DNAJC11: variants seen among roughly 807,000 people sequenced by gnomAD.
DNAJC11 encodes dnaJ homolog subfamily C member 11.
A neutral mutation model predicts 78.6 loss-of-function variants in DNAJC11; 15 were observed. The observed-to-expected ratio is 0.19, with a 90% CI of 0.13 to 0.29. The LOEUF (loss-of-function observed/expected upper bound fraction) is 0.29, where lower values mean the gene tolerates loss of function less well. DNAJC11 is among the 10% of genes least tolerant of loss of function. The pLI is 1.00. For missense variants in DNAJC11, 547 were observed against 709.6 expected (o/e 0.77, Z 2.60); for synonymous variants, 292 against 272.1 (o/e 1.07, Z -0.72).
rs964297606 is a variant in DNAJC11 at position 6,635,374 on chromosome 1, C to T, written c.*301G>A. On this transcript the variant is annotated 3_prime_UTR_variant, in exon 16 of 16. Coordinates refer to ENST00000377577, the MANE Select transcript of DNAJC11 (RefSeq NM_018198.4). ...ACAGGGCGGCGGGCTGCGGTCAGCACGTGTGCTCGGGACACAGCGGAGTCA... is the reference window on the plus strand; with the variant it reads ...ACAGGGCGGCGGGCTGCGGTCAGCATGTGTGCTCGGGACACAGCGGAGTCA... The T allele has an allele frequency of 2.4e-5, 8 of 337,814 alleles. No individual in the cohort carries two copies. Among genetic ancestry groups the T allele is most frequent in the South Asian group, 2.2e-4 (5 of 22,888 alleles). The allele number at this position is 337,814 out of a possible 1,614,324, so 20.9% of individuals were successfully genotyped here. A position where few individuals can be genotyped will look rare whatever the true frequency, so the allele number is the denominator to read the frequency against.
At chr1:6,637,691 A>G in intron 12 of DNAJC11, 187 bp from the exon 13 acceptor site, 1 of 652,482 alleles carries the variant, frequency 1.5e-6, no homozygotes, top group Admixed American at 2.6e-5. Flanking sequence ...GACCTAGGGC[A>G]GGCAGCTCTG....
At chr1:6,662,182 T>C (rs2148737988) in intron 4 of DNAJC11, among the ~76,000 whole-genome samples, 1 of 148,946 alleles carries the variant, frequency 6.7e-6, no homozygotes, top group African/African-American at 2.5e-5. Context: ...GCCCAGGCTC[T>C]TGCTACATTA....
At chr1:6,663,761 A>G in intron 4 of DNAJC11, among the ~76,000 whole-genome samples, 1 of 152,200 alleles carries the variant, frequency 6.6e-6, no homozygotes, top group South Asian at 2.1e-4. Flanking sequence ...CCAGCAGGAC[A>G]TACAGACAGG....
chr1:6,682,489 G>A (rs965374631), intron 1 of DNAJC11, among the ~76,000 whole-genome samples: 7 of 152,126 alleles, frequency 4.6e-5, no homozygotes, highest in African/African-American at 1.4e-4. Flanking sequence ...AGGGGGCAGC[G>A]GTGCTGGGGC....
intron 1 of DNAJC11, among the ~76,000 whole-genome samples, chr1:6,687,173 G>A (rs966919429): frequency 2.0e-5 from 3 of 152,144 alleles, no homozygotes; most frequent in African/African-American, 4.8e-5. Context: ...CGGAGAGAAA[G>A]GGTGTCACAT....
At chr1:6,685,532 C>T (rs905382313) in intron 1 of DNAJC11, among the ~76,000 whole-genome samples, 1 of 152,182 alleles carries the variant, frequency 6.6e-6, no homozygotes, top group African/African-American at 2.4e-5. Flanking sequence ...AAATCCACAT[C>T]TTTTTATCTT....
chr1:6,694,691 C>T lies in DNAJC11; in HGVS notation c.72+7038G>A, dbSNP rs1436860520. ...TTAAAAAAAATTTTTTTTGGCTGGG[C>T]GCGGTGGCTCACACCTATAATCGCA... On this transcript the variant is annotated intron_variant, in intron 1 of 15. Coordinates refer to ENST00000377577, the MANE Select transcript of DNAJC11 (RefSeq NM_018198.4). 3.3e-5 allele frequency among the ~76,000 whole-genome samples: 5 copies of T among 151,840 alleles called. No individual in the cohort carries two copies. The South Asian group carries it at 1.0e-3, about 32-fold the overall frequency.
chr1:6,650,441 C>T (rs1642037369), intron 7 of DNAJC11, among the ~76,000 whole-genome samples: 2 of 152,134 alleles, frequency 1.3e-5, no homozygotes, highest in Admixed American at 1.3e-4. Context: ...TGGCACACGC[C>T]TGTAGTCCTA....
chr1:6,641,405 A>ATG, intron 10 of DNAJC11, among the ~76,000 whole-genome samples: 1 of 144,562 alleles, frequency 6.9e-6, no homozygotes, highest in African/African-American at 2.6e-5. Flanking sequence ...ATATATATAT[A>ATG]TACACACACA....
Position 6,678,443 on chromosome 1 carries a change from G to A in DNAJC11, c.227C>T (p.Ala76Val). The A allele has an allele frequency of 6.2e-7, 1 of 1,613,674 alleles. No homozygotes were observed. The highest frequency in any genetic ancestry group is 1.3e-5 in the African/African-American group (1 of 74,958). ...TCTCTTCCCATATATATCATAGATG[G>A]CCCTGGTTTGGGGGTCACTAAGCAC... ...YEVLSDPQTR[A>V]IYDIYGKRGL... The change falls in exon 3 of 16, where the codon GCC becomes GTC. Residue 76 changes from alanine (A) to valine (V), a missense_variant. Transcript: ENST00000377577.
At chr1:6,644,114 C>T (rs925016732) in intron 10 of DNAJC11, among the ~76,000 whole-genome samples, 1 of 152,012 alleles carries the variant, frequency 6.6e-6, no homozygotes, top group South Asian at 2.1e-4. Context: ...TCGTGATCCA[C>T]GGCACCTGGC....
chr1:6,680,960 C>T lies in DNAJC11; in HGVS notation c.150G>A (p.Glu50=), dbSNP rs1642541683. 1 of 1,614,030 alleles carries T rather than the reference C, an allele frequency of 6.2e-7. No individual in the cohort carries two copies. Among genetic ancestry groups the T allele is most frequent in the Non-Finnish European group, 8.5e-7 (1 of 1,180,024 alleles). ...LYHPDKHRDP[E]LKSQAERLFN... is the part of the protein sequence containing the mutation. ...ACAGTCGTTCCGCCTGTGACTTGAG[C>T]TCTGGGTCTCTGTGCTTGTCTGGAT... Residue 50 remains glutamate (E), a synonymous_variant, in exon 2 of 16, where the codon GAG becomes GAA. Coordinates refer to ENST00000377577, the MANE Select transcript of DNAJC11 (RefSeq NM_018198.4). This position sits in a 1 kb window ranked among gnomAD's most constrained non-coding sequence, Gnocchi z 4.0.
intron 4 of DNAJC11, among the ~76,000 whole-genome samples, chr1:6,661,212 A>G (rs1642207518): frequency 2.0e-5 from 3 of 152,162 alleles, no homozygotes; most frequent in Non-Finnish European, 2.9e-5. Context: ...CTGCAATCTC[A>G]AAAGGAACTC....
intron 4 of DNAJC11, among the ~76,000 whole-genome samples, chr1:6,665,722 G>A (rs892597401): frequency 4.6e-5 from 7 of 152,056 alleles, no homozygotes; most frequent in African/African-American, 9.7e-5. Flanking sequence ...CCAGATGGCC[G>A]ATTTGATCAT....
Position 6,637,322 on chromosome 1 carries a change from G to C in DNAJC11, c.1400C>G (p.Ala467Gly), listed in dbSNP as rs1165649351. ...ESRMGLIIVN[A>G]WYGKFVNDKS... ...GTCATTGACAAACTTCCCGTACCAG[G>C]CATTGACGATGATGAGGCCTAAGGA... The change falls in exon 14 of 16, where the codon GCC (alanine) becomes GGC (glycine). Residue 467 changes from alanine to glycine, a missense_variant. Transcript: ENST00000377577. 1 of 1,614,182 alleles carries C rather than the reference G, an allele frequency of 6.2e-7. No individual in the cohort carries two copies. The highest frequency in any genetic ancestry group is 8.5e-7 in the Non-Finnish European group (1 of 1,180,038).
Position 6,635,511 on chromosome 1 carries a change from G to C in DNAJC11, c.*164C>G, listed in dbSNP as rs1641745336. On this transcript the variant is annotated 3_prime_UTR_variant, in exon 16 of 16. Transcript: ENST00000377577. The stretch of plus-strand genomic sequence containing the variant: ...AGTCCTACCCCCAGCACCCTCAAAA[G>C]CTGGGGTGTCTGCATGTCCCTTCAC... 5.3e-6 allele frequency: 4 copies of C among 750,074 alleles called. No individual in the cohort carries two copies. The highest frequency in any genetic ancestry group is 8.6e-6 in the Non-Finnish European group (4 of 465,170). The allele number at this position is 750,074 out of a possible 1,614,324, so 46.5% of individuals were successfully genotyped here.
intron 3 of DNAJC11, among the ~76,000 whole-genome samples, chr1:6,676,653 C>A (rs1642466588): frequency 6.6e-6 from 1 of 152,176 alleles, no homozygotes; most frequent in Middle Eastern, 3.4e-3. Context: ...ACACTGCAGC[C>A]TGGGCGACAG....
intron 2 of DNAJC11, among the ~76,000 whole-genome samples, chr1:6,679,782 T>C (rs184883977): frequency 1.6e-3 from 245 of 152,320 alleles, no homozygotes; most frequent in African/African-American, 5.6e-3. Flanking sequence ...TCTTTAACTC[T>C]TCCCCAGGTC....
intron 4 of DNAJC11, chr1:6,654,416 A>G (rs1191095862): frequency 6.3e-6 from 1 of 157,780 alleles, no homozygotes; most frequent in Non-Finnish European, 1.4e-5. Context: ...TACATGGATT[A>G]AACATTTTTT....
Sources: gnomAD v4.1 joint callset for allele counts (sites outside exome capture counted in the v4.1 genomes callset) on GRCh38, gnomAD v4.1.1 for gene constraint, Gnocchi (gnomAD v3.1) non-coding constraint, MANE v1.5 for transcripts, NCBI Gene and HGNC (gene_info 2026-07-23, HGNC 2026-07-21) for gene names.